The following XKR6 variants were observed in gnomAD, a reference collection of about 807,000 sequenced individuals.
XKR6 encodes the protein XK related 6, also known as XK-related protein 6.
A neutral mutation model predicts 56.7 loss-of-function variants in XKR6; 22 were observed. That is an observed-to-expected ratio of 0.39 (90% CI 0.28 to 0.55). The LOEUF is 0.55. Ranked by LOEUF, XKR6 falls within the 20% of genes least tolerant of loss-of-function variation. The probability of loss-of-function intolerance (pLI) is 0.66; values close to 1 mark genes in which losing one functional copy is unlikely to be tolerated. For synonymous variants in XKR6, 524 were observed against 387.8 expected (o/e 1.35, Z -4.13); for missense variants, 852 against 889.0 (o/e 0.96, Z 0.53).
chr8:11,183,576 G>A (rs1233210664), intron 1 of XKR6, among the ~76,000 whole-genome samples: 1 of 151,776 alleles, frequency 6.6e-6, no homozygotes, highest in East Asian at 1.9e-4. Context: ...TCCCACCTCA[G>A]CATCCCAAAG....
chr8:10,920,596 T>G (rs1800680994), intron 2 of XKR6, among the ~76,000 whole-genome samples: 1 of 152,250 alleles, frequency 6.6e-6, no homozygotes, highest in Non-Finnish European at 1.5e-5. Flanking sequence ...TGATTTTCTT[T>G]AAGGCTTGTA....
At chr8:11,155,525 G>C (rs781152836) in intron 1 of XKR6, among the ~76,000 whole-genome samples, 69 of 152,286 alleles carry the variant, frequency 4.5e-4, no homozygotes, top group Non-Finnish European at 8.4e-4. Context: ...CCTCACATGG[G>C]ATTCAAGAAC....
In XKR6 at chr8:10,897,796, ATTC is replaced by A. The variant is rs1272408775; in HGVS notation, c.*153_*155del. On this transcript the variant is annotated 3_prime_UTR_variant, in exon 3 of 3. Coordinates refer to ENST00000416569, the MANE Select transcript of XKR6 (RefSeq NM_173683.4). ...TATTTGAAGGGGTTGTGACTTATTA[ATTC>A]TTTTTTTTTTGTAGTGGTGGTGTTG... The A allele has an allele frequency of 8.5e-6, 8 of 936,372 alleles. No homozygotes were observed. In the African/African-American group the frequency reaches 1.2e-4, roughly 14 times the overall value. The allele number at this position is 936,372 out of a possible 1,614,324, so 58.0% of individuals were successfully genotyped here.
intron 1 of XKR6, among the ~76,000 whole-genome samples, chr8:11,186,193 C>T (rs1225476225): frequency 1.3e-5 from 2 of 151,688 alleles, no homozygotes; most frequent in African/African-American, 4.8e-5. Context: ...CCCCCCCATC[C>T]CCATCCCACT....
At chr8:11,025,278 G>T (rs537641857) in intron 1 of XKR6, among the ~76,000 whole-genome samples, 2 of 152,184 alleles carry the variant, frequency 1.3e-5, no homozygotes, top group Admixed American at 1.3e-4. Context: ...CAGTGGTTAC[G>T]TTTGATGTCC....
intron 1 of XKR6, among the ~76,000 whole-genome samples, chr8:11,002,855 G>C (rs1798275135): frequency 6.6e-6 from 1 of 152,182 alleles, no homozygotes; most frequent in African/African-American, 2.4e-5. Flanking sequence ...GGATATAAAA[G>C]TCACCGGTGG....
At chr8:10,958,103 T>C (rs947513545) in intron 1 of XKR6, among the ~76,000 whole-genome samples, 1 of 152,206 alleles carries the variant, frequency 6.6e-6, no homozygotes, top group African/African-American at 2.4e-5. Flanking sequence ...TTCCCTCACT[T>C]GTGTCAGACT....
intron 1 of XKR6, among the ~76,000 whole-genome samples, chr8:10,951,610 G>T (rs1427953885): frequency 6.6e-6 from 1 of 152,222 alleles, no homozygotes; most frequent in African/African-American, 2.4e-5. Flanking sequence ...CCTGCAGAAT[G>T]GGAAGGCTGG....
At chr8:11,032,855 T>G (rs1799024749) in intron 1 of XKR6, among the ~76,000 whole-genome samples, 1 of 152,152 alleles carries the variant, frequency 6.6e-6, no homozygotes, top group Non-Finnish European at 1.5e-5. Context: ...GGCCCTCCCC[T>G]CATGAGCACT....
intron 1 of XKR6, among the ~76,000 whole-genome samples, chr8:11,173,205 G>A (rs146185865): frequency 1.9e-4 from 29 of 151,398 alleles, no homozygotes; most frequent in African/African-American, 4.6e-4. Context: ...TTAGCCGGGC[G>A]TGGTGGCGGG....
chr8:11,100,345 C>T (rs779212121), intron 1 of XKR6, among the ~76,000 whole-genome samples: 5 of 152,192 alleles, frequency 3.3e-5, no homozygotes, highest in Non-Finnish European at 5.9e-5. Context: ...GTGAGCCAAT[C>T]CACTTGGCCT....
intron 1 of XKR6, among the ~76,000 whole-genome samples, chr8:11,008,418 C>CT (rs35571220): frequency 0.05 from 5,198 of 104,048 alleles, 411 homozygotes; most frequent in African/African-American, 0.13. Context: ...GCTCCCCAGG[C>CT]TTTTTTTTTT....
At chr8:10,904,148 A>C (rs1489763169) in intron 2 of XKR6, among the ~76,000 whole-genome samples, 1 of 152,134 alleles carries the variant, frequency 6.6e-6, no homozygotes, top group Non-Finnish European at 1.5e-5. Flanking sequence ...TTTGGCTGTG[A>C]CGAGCTCTGA....
intron 1 of XKR6, among the ~76,000 whole-genome samples, chr8:11,160,587 GA>G (rs777948411): frequency 7.2e-5 from 11 of 152,134 alleles, no homozygotes; most frequent in African/African-American, 2.7e-4. Context: ...ACCTCTGAAT[GA>G]AATCTACCAA....
chr8:10,962,045 T>A (rs1049943669), intron 1 of XKR6, among the ~76,000 whole-genome samples: 1 of 152,206 alleles, frequency 6.6e-6, no homozygotes, highest in Non-Finnish European at 1.5e-5. Flanking sequence ...AAAATGCTGA[T>A]CTTACTGTGC....
At chr8:10,980,257 G>C (rs2129137055) in intron 1 of XKR6, among the ~76,000 whole-genome samples, 1 of 152,302 alleles carries the variant, frequency 6.6e-6, no homozygotes, top group South Asian at 2.1e-4. Flanking sequence ...TCTGGGGAGG[G>C]CTGCAGCTTG....
chr8:11,092,536 G>A (rs541977569), intron 1 of XKR6, among the ~76,000 whole-genome samples: 1 of 152,330 alleles, frequency 6.6e-6, no homozygotes, highest in East Asian at 1.9e-4. Context: ...AAGCTCTGCA[G>A]TGGGGACAGG....
At chr8:10,901,403 G>A (rs1689010911) in intron 2 of XKR6, among the ~76,000 whole-genome samples, 1 of 152,040 alleles carries the variant, frequency 6.6e-6, no homozygotes, top group Non-Finnish European at 1.5e-5. Context: ...CGAACTCTTG[G>A]CTCAAACAAT....
At chr8:10,951,161 G>A (rs539146432) in intron 1 of XKR6, among the ~76,000 whole-genome samples, 93 of 152,328 alleles carry the variant, frequency 6.1e-4, no homozygotes, top group African/African-American at 2.2e-3. Context: ...CAGCACCCCA[G>A]GTCCCTGCCC....
Sources: allele counts gnomAD v4.1 joint callset (sites outside exome capture counted in the v4.1 genomes callset), GRCh38; gene constraint gnomAD v4.1.1; transcripts MANE v1.5; gene names NCBI Gene and HGNC (gene_info 2026-07-23, HGNC 2026-07-21).